The following DEDD2 variants were observed in gnomAD, a reference collection of about 807,000 sequenced individuals.
DEDD2 encodes the protein DNA-binding death effector domain-containing protein 2.
A neutral mutation model predicts 28.9 loss-of-function variants in DEDD2; 18 were observed. That is an observed-to-expected ratio of 0.62 (90% confidence interval 0.43 to 0.92). The LOEUF (loss-of-function observed/expected upper bound fraction) is 0.92. Among genes scored for constraint, DEDD2 ranks in the 40% least tolerant of loss-of-function variants. The pLI, the probability that DEDD2 is intolerant of heterozygous loss-of-function variation, is 0.00. For synonymous variants in DEDD2, 211 were observed against 206.1 expected, an observed-to-expected ratio of 1.02 and a Z score of -0.20; for missense variants, 411 against 463.3, an observed-to-expected ratio of 0.89 and a Z score of 1.04.
chr19:42,207,849 C>A (rs1044197988), intron 4 of DEDD2, among the ~76,000 whole-genome samples: 1 of 151,796 alleles, frequency 6.6e-6, no homozygotes. Flanking sequence ...ACCCACAAAG[C>A]CTCTGCTCCA....
At chr19:42,203,473 C>T (rs989893402) in intron 4 of DEDD2, among the ~76,000 whole-genome samples, 4 of 152,140 alleles carry the variant, frequency 2.6e-5, no homozygotes, top group South Asian at 4.1e-4. Flanking sequence ...GAGGGGCCGG[C>T]GTGGCAGGAA....
chr19:42,213,110 A>G (rs1482212042), intron 3 of DEDD2, among the ~76,000 whole-genome samples: 1 of 152,166 alleles, frequency 6.6e-6, no homozygotes, highest in Non-Finnish European at 1.5e-5. Context: ...CAAAGCAGGA[A>G]GCACACAAAG....
intron 4 of DEDD2, among the ~76,000 whole-genome samples, chr19:42,205,693 G>C (rs566167046): frequency 6.6e-6 from 1 of 152,178 alleles, no homozygotes; most frequent in Non-Finnish European, 1.5e-5. Context: ...AGGGCAACCA[G>C]AATTGACTCC....
upstream of DEDD2, chr19:42,219,935 G>A (rs2036100404): frequency 6.6e-6 from 1 of 152,166 alleles, no homozygotes; most frequent in Non-Finnish European, 1.5e-5. Flanking sequence ...GTAAAACAGA[G>A]GCCCGGAGAG....
Position 42,217,062 on chromosome 19 carries a change from G to T in DEDD2, c.-38-17C>A. The stretch of plus-strand genomic sequence containing the variant: ...GAACCCGGCCTAGAACCCACACAGC[G>T]GGGAGGGGGCAGTGGTCAGCGACGC... On this transcript the variant is annotated splice_polypyrimidine_tract_variant and intron_variant, in intron 1 of 4. Coordinates refer to ENST00000596251, the MANE Select transcript of DEDD2 (RefSeq NM_133328.4). 6.6e-7 allele frequency: 1 copy of T among 1,514,322 alleles called. No homozygotes were observed. Among genetic ancestry groups the T allele is most frequent in the South Asian group, 1.2e-5 (1 of 83,262 alleles). The allele number at this position is 1,514,322 out of a possible 1,614,324, so 93.8% of individuals were successfully genotyped here.
At chr19:42,209,633 A>C in intron 4 of DEDD2, 67 bp downstream of exon 4, 2 of 1,511,192 alleles carry the variant, frequency 1.3e-6, no homozygotes, top group Non-Finnish European at 1.8e-6. Context: ...AAAAATGCTC[A>C]TTTCTCCCAC....
At position 42,198,891 on chromosome 19, in the gene DEDD2, G is replaced by C. The variant is rs1003905671; in HGVS notation, c.*547C>G. ...GCCCTGGCTGGCTGGAGATGTGTGG[G>C]CAAGGTGAGCAGGCCCCATGTGCAC... On this transcript the variant is annotated 3_prime_UTR_variant, in exon 5 of 5. Transcript: ENST00000596251. 5.9e-5 allele frequency: 9 copies of C among 153,644 alleles called. No homozygotes were observed. The highest frequency in any genetic ancestry group is 2.2e-4 in the African/African-American group (9 of 41,454). The allele number at this position is 153,644 out of a possible 1,614,324, so 9.5% of individuals were successfully genotyped here.
intron 4 of DEDD2, among the ~76,000 whole-genome samples, chr19:42,200,390 G>A (rs770331026): frequency 1.3e-5 from 2 of 152,234 alleles, no homozygotes; most frequent in Admixed American, 6.5e-5. Context: ...ATGTATTTGT[G>A]AAGAACTAAT....
At chr19:42,201,700 C>T in intron 4 of DEDD2, 1 of 305,772 alleles carries the variant, frequency 3.3e-6, no homozygotes, top group Non-Finnish European at 6.0e-6. Context: ...CCTCCTTCCA[C>T]CCCAAACCCT....
chr19:42,217,072 C>A, intron 1 of DEDD2, 27 bp from the exon 2 acceptor site: 1 of 1,486,282 alleles, frequency 6.7e-7, no homozygotes, highest in Admixed American at 2.0e-5. Flanking sequence ...GGGGAGGGGG[C>A]AGTGGTCAGC....
chr19:42,203,469 C>A (rs1016354489), intron 4 of DEDD2, among the ~76,000 whole-genome samples: 2 of 152,152 alleles, frequency 1.3e-5, no homozygotes, highest in Non-Finnish European at 2.9e-5. Context: ...GGCTGAGGGG[C>A]CGGCGTGGCA....
chr19:42,215,213 G>T lies in DEDD2; in HGVS notation c.368C>A (p.Ser123Ter), dbSNP rs1228263187. The T allele has an allele frequency of 6.2e-7, 1 of 1,613,904 alleles. No individual in the cohort carries two copies. The highest frequency in any genetic ancestry group is 2.2e-5 in the East Asian group (1 of 44,868). The change falls in exon 3 of 5, where the codon TCA becomes TAA. Residue 123 changes from serine (S) to a stop codon, truncating the protein, a stop_gained. Coordinates refer to ENST00000596251, the MANE Select transcript of DEDD2 (RefSeq NM_133328.4). LOFTEE classifies it high-confidence loss of function. ...ACGGCAGCTACCCTCTGTCCTCTTT[G>T]AAGAGCTGGAGGTGCCATAGCTATA... ...ERYSYGTSSS[S>*]KRTEGSCRRR...
intron 3 of DEDD2, among the ~76,000 whole-genome samples, chr19:42,210,231 G>A (rs567121094): frequency 5.3e-5 from 8 of 152,134 alleles, no homozygotes; most frequent in Non-Finnish European, 1.2e-4. Context: ...AGGAAATAAA[G>A]CAAGATACAA....
rs1012077866 is a variant in DEDD2 at position 42,212,465 on chromosome 19, C to T, written c.449-2625G>A. Among the ~76,000 whole-genome samples the T allele has an allele frequency of 4.4e-4, 66 of 149,528 alleles. 1 individual carries two copies. Among genetic ancestry groups the T allele is most frequent in the East Asian group, 2.0e-4 (1 of 4,964 alleles). On this transcript the variant is annotated intron_variant, in intron 3 of 4. Transcript: ENST00000596251. ...CAGTGGCATGCCACCACACCCGGCTCGTTTTTTTTTTTTCTCTGAGACAGG... is the reference window on the plus strand; with the variant it reads ...CAGTGGCATGCCACCACACCCGGCTTGTTTTTTTTTTTTCTCTGAGACAGG...
rs368744551 is a variant in DEDD2, at chr19:42,208,284, C to T, written c.589+1416G>A. ...AGAGTCCCCAACCCACCCAACCCAT[C>T]GTGTCTACAGTCAGCCCTATGGCCA... is the stretch of plus-strand genomic sequence containing the variant. On this transcript the variant is annotated intron_variant, in intron 4 of 4. Coordinates refer to ENST00000596251, the MANE Select transcript of DEDD2 (RefSeq NM_133328.4). Among the ~76,000 whole-genome samples, 13 of 143,060 alleles carry T rather than the reference C, an allele frequency of 9.1e-5. No individual in the cohort carries two copies. In the East Asian group the frequency reaches 2.2e-3, roughly 24 times the overall value. 93.9% of individuals were successfully genotyped at this position (143,060 alleles called of 152,430 possible).
At chr19:42,216,517 T>G (rs533820223) in intron 2 of DEDD2, among the ~76,000 whole-genome samples, 163 bp downstream of exon 2, 18 of 152,370 alleles carry the variant, frequency 1.2e-4, no homozygotes, top group Non-Finnish European at 1.8e-4. Flanking sequence ...AAGCCATGCT[T>G]TCTTCCTCTT....
intron 4 of DEDD2, among the ~76,000 whole-genome samples, chr19:42,204,269 G>A (rs1238874866): frequency 2.0e-5 from 3 of 152,192 alleles, no homozygotes; most frequent in Non-Finnish European, 2.9e-5. Flanking sequence ...TGGTGATAAG[G>A]TTTGGATGTA....
At chr19:42,203,692 A>G (rs763870826) in intron 4 of DEDD2, among the ~76,000 whole-genome samples, 57 of 152,164 alleles carry the variant, frequency 3.7e-4, no homozygotes, top group Non-Finnish European at 7.2e-4. Flanking sequence ...AATGCAAGGA[A>G]AGAGGGGAGG....
chr19:42,213,855 G>C (rs1298334132), intron 3 of DEDD2, among the ~76,000 whole-genome samples: 1 of 152,200 alleles, frequency 6.6e-6, no homozygotes, highest in South Asian at 2.1e-4. Flanking sequence ...AATAGATTCT[G>C]AACGGTCCCA....
Sources: allele counts gnomAD v4.1 joint callset (sites outside exome capture counted in the v4.1 genomes callset), GRCh38; gene constraint gnomAD v4.1.1; transcripts MANE v1.5; gene names NCBI Gene and HGNC (gene_info 2026-07-23, HGNC 2026-07-21).